The following CLIP1 variants were observed in gnomAD, a reference collection of about 807,000 sequenced individuals.
CLIP1 encodes the protein CAP-Gly domain-containing linker protein 1.
Under a neutral mutation model 161.6 loss-of-function variants are expected in CLIP1, and 66 were observed. That is an observed-to-expected ratio of 0.41 (90% CI 0.33 to 0.50). The LOEUF is 0.50. CLIP1 is among the 20% of genes least tolerant of loss of function. CLIP1 has a pLI of 0.27. For synonymous variants in CLIP1, 598 were observed against 626.2 expected (o/e 0.96, Z 0.67); for missense variants, 1,376 against 1,702.0 (o/e 0.81, Z 3.37).
intron 20 of CLIP1, among the ~76,000 whole-genome samples, chr12:122,296,861 CAAAAAAAAA>C (rs56071033): frequency 1.7e-5 from 1 of 58,256 alleles, no homozygotes; most frequent in Non-Finnish European, 4.1e-5. Flanking sequence ...GAGACTACCT[CAAAAAAAAA>C]AAAAAAAAAA....
At chr12:122,354,903 A>G (rs1953253156) in intron 6 of CLIP1, 1 of 600,714 alleles carries the variant, frequency 1.7e-6, no homozygotes, top group African/African-American at 1.9e-5. Context: ...AAGACCAAAC[A>G]CTAAGGTCGA....
intron 20 of CLIP1, among the ~76,000 whole-genome samples, chr12:122,303,185 C>G (rs1950753247): frequency 6.6e-6 from 1 of 152,186 alleles, no homozygotes; most frequent in South Asian, 2.1e-4. Context: ...TCTCTTTGAA[C>G]AGTTGTTTTG....
At chr12:122,309,687 G>A (rs1414531778) in intron 20 of CLIP1, 75 bp downstream of exon 20, 1 of 1,576,268 alleles carries the variant, frequency 6.3e-7, no homozygotes, top group Non-Finnish European at 8.7e-7. Context: ...ACCTCCGAGT[G>A]GCCTCTGAGC....
chr12:122,352,126 C>T (rs530837312), intron 8 of CLIP1, among the ~76,000 whole-genome samples: 2 of 148,890 alleles, frequency 1.3e-5, no homozygotes, highest in Admixed American at 6.7e-5. Flanking sequence ...GGCACGATCT[C>T]GGCTCACTGC....
intron 23 of CLIP1, 59 bp from the exon 24 acceptor site, chr12:122,278,262 A>T: frequency 6.9e-7 from 1 of 1,457,350 alleles, no homozygotes; most frequent in Non-Finnish European, 9.4e-7. Flanking sequence ...GTATATTTTT[A>T]ATCACAATCT....
At position 122,341,436 on chromosome 12, in the gene CLIP1, C is replaced by A; in HGVS notation, c.1768G>T (p.Ala590Ser). The change falls in exon 11 of 26, where the codon GCT becomes TCT. Residue 590 changes from alanine to serine, a missense_variant. Physicochemically the swap from Ala to Ser is moderately conservative, Grantham distance 99 (BLOSUM62 1). Around this residue, in one of 6 missense-constraint regions of CLIP1, gnomAD observed 948 missense variants for 1,134.8 expected, o/e 0.84. Transcript: ENST00000620786. The stretch of plus-strand genomic sequence containing the variant: ...AGCTTTTCCGTGGCGGTATACAGAG[C>A]CTTTATCTCCTTCTGATGAGTTTCT... ...REETHQKEIK[A>S]LYTATEKLSK... 1 of 1,613,904 alleles carries A rather than the reference C, an allele frequency of 6.2e-7. No individual in the cohort carries two copies. The highest frequency in any genetic ancestry group is 8.5e-7 in the Non-Finnish European group (1 of 1,179,914).
At chr12:122,288,267 G>A (rs1359169131) in intron 21 of CLIP1, among the ~76,000 whole-genome samples, 2 of 152,186 alleles carry the variant, frequency 1.3e-5, no homozygotes, top group South Asian at 2.1e-4. Context: ...CTCGTGATCC[G>A]CCAGCCTTGG....
At chr12:122,360,437 A>T (rs572554625) in intron 5 of CLIP1, among the ~76,000 whole-genome samples, 1 of 150,126 alleles carries the variant, frequency 6.7e-6, no homozygotes, top group East Asian at 2.0e-4. Context: ...AAAAAATTAA[A>T]TTAACCAGGC....
intron 15 of CLIP1, among the ~76,000 whole-genome samples, chr12:122,332,049 T>A (rs1398656226): frequency 6.6e-6 from 1 of 152,054 alleles, no homozygotes; most frequent in Non-Finnish European, 1.5e-5. Flanking sequence ...CTCATGCCTG[T>A]AATCCCAGCA....
At chr12:122,385,977 G>A (rs1303178046) in intron 1 of CLIP1, among the ~76,000 whole-genome samples, 1 of 152,108 alleles carries the variant, frequency 6.6e-6, no homozygotes, top group African/African-American at 2.4e-5. Context: ...AAGAGTTTGG[G>A]ATGGAAAGAA....
chr12:122,274,856 T>A (rs1470334812), intron 24 of CLIP1: 1 of 150,216 alleles, frequency 6.7e-6, no homozygotes, highest in Non-Finnish European at 1.5e-5. Context: ...TAATTAATTA[T>A]TTTATTTATT....
rs28546900 is a variant in CLIP1 at position 122,387,771 on chromosome 12, G to A, written c.-106-7213C>T. Among the ~76,000 whole-genome samples the A allele has an allele frequency of 1.2e-3, 187 of 151,022 alleles. 1 individual carries two copies. Among genetic ancestry groups the A allele is most frequent in the African/African-American group, 4.5e-3 (184 of 41,190 alleles). On this transcript the variant is annotated intron_variant, in intron 1 of 25. Transcript: ENST00000620786. ...TTGGCCAAATTTTTATTTTTTTGTAGAAGTGCGGTCTGCTATGTTGCCCAG... is the reference window on the plus strand; with the variant it reads ...TTGGCCAAATTTTTATTTTTTTGTAAAAGTGCGGTCTGCTATGTTGCCCAG...
chr12:122,388,068 TA>T (rs1288950268), intron 1 of CLIP1, among the ~76,000 whole-genome samples: 2 of 152,130 alleles, frequency 1.3e-5, no homozygotes, highest in Admixed American at 1.3e-4. Context: ...AAGAGTCAAC[TA>T]TACATAAAAC....
chr12:122,354,641 A>T, intron 6 of CLIP1, 85 bp from the exon 7 acceptor site: 1 of 1,072,138 alleles, frequency 9.3e-7, no homozygotes, highest in Non-Finnish European at 1.4e-6. Context: ...GCTGTGGGTC[A>T]CCATGGTGGG....
At chr12:122,286,009 G>A (rs1007190408) in intron 21 of CLIP1, among the ~76,000 whole-genome samples, 2 of 151,956 alleles carry the variant, frequency 1.3e-5, no homozygotes, top group East Asian at 3.9e-4. Context: ...ATCTGGCTGG[G>A]CTGGGAATCA....
chr12:122,354,263 C>A (rs188208296), intron 7 of CLIP1, among the ~76,000 whole-genome samples, 190 bp downstream of exon 7: 1 of 152,130 alleles, frequency 6.6e-6, no homozygotes, highest in Non-Finnish European at 1.5e-5. Flanking sequence ...GGCGTGGTGG[C>A]ACATTCCTGT....
In CLIP1 at chr12:122,327,935, C is replaced by G. The variant is rs748629527; in HGVS notation, c.3249+12G>C. On this transcript the variant is annotated intron_variant, in intron 17 of 25. Coordinates refer to ENST00000620786, the MANE Select transcript of CLIP1 (RefSeq NM_001247997.2). ...AAGCTACAACACAAGGAAATTCTCT[C>G]GCGTCACGTACTTTGGCTTTGTCGG... 1 of 1,612,446 alleles carries G rather than the reference C, an allele frequency of 6.2e-7. No individual in the cohort carries two copies. The highest frequency in any genetic ancestry group is 1.1e-5 in the South Asian group (1 of 91,012).
chr12:122,333,327 A>C (rs1248369172), intron 14 of CLIP1, among the ~76,000 whole-genome samples, 184 bp from the exon 15 acceptor site: 1 of 152,222 alleles, frequency 6.6e-6, no homozygotes, highest in African/African-American at 2.4e-5. Context: ...AATAGCGGTA[A>C]GTGCTAAGAG....
At chr12:122,363,719 A>G (rs969162893) in intron 4 of CLIP1, among the ~76,000 whole-genome samples, 2 of 152,082 alleles carry the variant, frequency 1.3e-5, no homozygotes, top group Non-Finnish European at 2.9e-5. Flanking sequence ...CAGACAGATA[A>G]CATGGTATTT....
Sources: gnomAD v4.1 joint callset for allele counts (sites outside exome capture counted in the v4.1 genomes callset) on GRCh38, gnomAD v4.1.1 for gene constraint, gnomAD v4.1.1 regional missense constraint, MANE v1.5 for transcripts, NCBI Gene and HGNC (gene_info 2026-07-23, HGNC 2026-07-21) for gene names.